Variants in CS observed in about 807,000 individuals in gnomAD.
The protein encoded by CS is citrate synthase, mitochondrial.
In CS, 13 loss-of-function variants were observed where a neutral mutation model predicts 61.4. The observed-to-expected ratio is 0.21, with a 90% CI of 0.14 to 0.34. The LOEUF (loss-of-function observed/expected upper bound fraction) is 0.34, where lower values mean the gene tolerates loss of function less well. CS is among the 10% of genes least tolerant of loss of function. CS has a pLI of 1.00. For synonymous variants in CS, 159 were observed against 215.2 expected (o/e 0.74, Z 2.29); for missense variants, 278 against 573.4 (o/e 0.48, Z 5.26).
chr12:56,288,265 A>G (rs1187688437), intron 1 of CS, among the ~76,000 whole-genome samples: 1 of 152,012 alleles, frequency 6.6e-6, no homozygotes, highest in Admixed American at 6.6e-5. Context: ...CACCTTTTCT[A>G]GTAACTACTG....
rs1412836808 is a variant in CS, at chr12:56,272,140, T to C, written c.*944A>G. 8 of 301,696 alleles carry C rather than the reference T, an allele frequency of 2.7e-5. No individual in the cohort carries two copies. In the East Asian group the frequency reaches 3.9e-4, roughly 15 times the overall value. The allele number at this position is 301,696 out of a possible 1,614,324, so 18.7% of individuals were successfully genotyped here. On this transcript the variant is annotated 3_prime_UTR_variant, in exon 11 of 11. Transcript: ENST00000351328. ...TTCCCTGTTCAAAAAGAGGTGCTAA[T>C]ACCCCGGGGACAAGACTCTGAAAAT...
Position 56,276,144 on chromosome 12 carries a change from C to G in CS, c.640G>C (p.Ala214Pro). ...DLIAKLPCVA[A>P]KIYRNLYREG... ...CTGTAGAGATTTCGGTAGATCTTTG[C>G]TGCAACACAAGGTAGCTTTGCGATT... The change falls in exon 7 of 11, where the codon GCA becomes CCA. Residue 214 changes from alanine to proline, a missense_variant. Transcript: ENST00000351328. The G allele has an allele frequency of 6.2e-7, 1 of 1,614,090 alleles. No homozygotes were observed. The highest frequency in any genetic ancestry group is 8.5e-7 in the Non-Finnish European group (1 of 1,180,022).
At chr12:56,274,916 C>T (rs1197164066) in intron 8 of CS, 38 bp from the exon 9 acceptor site, 20 of 1,606,580 alleles carry the variant, frequency 1.2e-5, no homozygotes, top group Non-Finnish European at 2.6e-6. Flanking sequence ...AATGTTAATA[C>T]ATATGCCAGA....
At chr12:56,276,259 G>C in intron 6 of CS, 64 bp from the exon 7 acceptor site, 1 of 1,510,106 alleles carries the variant, frequency 6.6e-7, no homozygotes, top group Non-Finnish European at 9.2e-7. Context: ...AATTAGGCAG[G>C]GATATCGTCT....
At position 56,272,896 on chromosome 12, in the gene CS, A is replaced by T. The variant is rs1872549000; in HGVS notation, c.*188T>A. On this transcript the variant is annotated 3_prime_UTR_variant, in exon 11 of 11. Transcript: ENST00000351328. ...CAACTCATACCAGGCAGGGGAAGGGAGCTGATTAGGGAAGAAGGGACCATT... is the reference window on the plus strand; with the variant it reads ...CAACTCATACCAGGCAGGGGAAGGGTGCTGATTAGGGAAGAAGGGACCATT... 1.4e-5 allele frequency: 8 copies of T among 555,738 alleles called. No homozygotes were observed. The Admixed American group carries it at 2.7e-4, about 18-fold the overall frequency. 34.4% of individuals were successfully genotyped at this position (555,738 alleles called of 1,614,324 possible). A position where few individuals can be genotyped will look rare whatever the true frequency, so the allele number is the denominator to read the frequency against.
chr12:56,291,619 T>TA (rs969965520), intron 1 of CS: 3 of 152,476 alleles, frequency 2.0e-5, no homozygotes, highest in Non-Finnish European at 2.9e-5. Context: ...ATGAGACAGG[T>TA]AGATTACAAA....
Position 56,272,877 on chromosome 12 carries a change from A to T in CS, c.*207T>A. 1 of 520,620 alleles carries T rather than the reference A, an allele frequency of 1.9e-6. No individual in the cohort carries two copies. The highest frequency in any genetic ancestry group is 3.4e-6 in the Non-Finnish European group (1 of 293,150). 32.3% of individuals were successfully genotyped at this position (520,620 alleles called of 1,614,324 possible). A position where few individuals can be genotyped will look rare whatever the true frequency, so the allele number is the denominator to read the frequency against. On this transcript the variant is annotated 3_prime_UTR_variant, in exon 11 of 11. Coordinates refer to ENST00000351328, the MANE Select transcript of CS (RefSeq NM_004077.3). The stretch of plus-strand genomic sequence containing the variant: ...GGACCATGCGTATGATGGGCAACTC[A>T]TACCAGGCAGGGGAAGGGAGCTGAT...
intron 1 of CS, among the ~76,000 whole-genome samples, chr12:56,297,400 G>T (rs1468519004): frequency 6.6e-6 from 1 of 152,134 alleles, no homozygotes; most frequent in African/African-American, 2.4e-5. Context: ...TTCTAACTCA[G>T]GTGTTTTAAA....
At chr12:56,273,549 G>A (rs1872561882) in intron 10 of CS, 38 bp downstream of exon 10, 2 of 1,592,412 alleles carry the variant, frequency 1.3e-6, no homozygotes, top group Non-Finnish European at 1.7e-6. Context: ...ATAGGGTTTG[G>A]TACAAATTAG....
intron 6 of CS, among the ~76,000 whole-genome samples, chr12:56,277,776 T>C (rs931913798): frequency 6.6e-6 from 1 of 151,074 alleles, no homozygotes; most frequent in Non-Finnish European, 1.5e-5. Flanking sequence ...GATTACAGGA[T>C]GCACCACCAT....
rs1161278735 is a variant in CS at position 56,282,558 on chromosome 12, A to G, written c.450T>C (p.His150=). Residue 150 remains histidine, a synonymous_variant, in exon 6 of 11, where the codon CAT becomes CAC. Coordinates refer to ENST00000351328, the MANE Select transcript of CS (RefSeq NM_004077.3). Reference sequence around the variant, plus strand: ...GAAAGTTGTCCAGCATGGTGACCACATGGGAAGGCAGAGCTGCCCTCTTTG... The same window carrying G: ...GAAAGTTGTCCAGCATGGTGACCACGTGGGAAGGCAGAGCTGCCCTCTTTG... The part of the protein sequence containing the change: ...EWAKRAALPS[H]VVTMLDNFPT... 6.2e-7 allele frequency: 1 copy of G among 1,612,948 alleles called. No homozygotes were observed. The highest frequency in any genetic ancestry group is 1.3e-5 in the African/African-American group (1 of 75,022).
chr12:56,278,730 C>T (rs1314258213), intron 6 of CS, among the ~76,000 whole-genome samples: 1 of 146,830 alleles, frequency 6.8e-6, no homozygotes, highest in African/African-American at 2.5e-5. Context: ...GAGACTCTGT[C>T]TCGGAAAAAA....
At position 56,272,679 on chromosome 12, in the gene CS, T is replaced by A. The variant is rs1452599253; in HGVS notation, c.*405A>T. The A allele has an allele frequency of 1.2e-5, 2 of 161,988 alleles. No homozygotes were observed. The highest frequency in any genetic ancestry group is 4.8e-5 in the African/African-American group (2 of 41,460). 10.0% of individuals were successfully genotyped at this position (161,988 alleles called of 1,614,324 possible). A position where few individuals can be genotyped will look rare whatever the true frequency, so the allele number is the denominator to read the frequency against. On this transcript the variant is annotated 3_prime_UTR_variant, in exon 11 of 11. Coordinates refer to ENST00000351328, the MANE Select transcript of CS (RefSeq NM_004077.3). The stretch of plus-strand genomic sequence containing the variant: ...TCCTATGGAAACAGAAGGGGCAGAG[T>A]CCTGGTTTGCTGGCTTATTGAGGGC...
intron 6 of CS, 184 bp downstream of exon 6, chr12:56,282,236 T>C (rs960117387): frequency 1.0e-5 from 5 of 495,200 alleles, no homozygotes; most frequent in Admixed American, 3.9e-5. Context: ...ATAGAAACCA[T>C]GCTCTACTTA....
chr12:56,295,951 CAAAAAAAAA>C (rs71081343), intron 1 of CS, among the ~76,000 whole-genome samples: 11 of 40,482 alleles, frequency 2.7e-4, no homozygotes, highest in African/African-American at 4.9e-4. Flanking sequence ...GAAACTGTCT[CAAAAAAAAA>C]AAAAAAAAAA....
At chr12:56,293,715 AAAT>A (rs765803276) in intron 1 of CS, among the ~76,000 whole-genome samples, 6 of 152,236 alleles carry the variant, frequency 3.9e-5, no homozygotes, top group Non-Finnish European at 5.9e-5. Flanking sequence ...CTCCGTCTCA[AAAT>A]AATAATACTA....
chr12:56,282,669 A>T, intron 5 of CS, 61 bp from the exon 6 acceptor site: 4 of 1,541,796 alleles, frequency 2.6e-6, no homozygotes, highest in Non-Finnish European at 3.5e-6. Flanking sequence ...AAAAATAAAA[A>T]AGGACAGCAA....
chr12:56,278,121 T>C (rs1872675508), intron 6 of CS, among the ~76,000 whole-genome samples: 1 of 152,102 alleles, frequency 6.6e-6, no homozygotes, highest in Non-Finnish European at 1.5e-5. Context: ...CTAGCTTACA[T>C]TATTAACTCA....
chr12:56,274,748 T>G (rs746595462), intron 9 of CS, 29 bp downstream of exon 9: 3 of 1,487,334 alleles, frequency 2.0e-6, no homozygotes, highest in Non-Finnish European at 2.7e-6. Context: ...TCTTGGTTTC[T>G]TTCCTAGTCG....
Sources: gnomAD v4.1 joint callset for allele counts (sites outside exome capture counted in the v4.1 genomes callset) on GRCh38, gnomAD v4.1.1 for gene constraint, MANE v1.5 for transcripts, NCBI Gene and HGNC (gene_info 2026-07-23, HGNC 2026-07-21) for gene names.